The following UBIAD1 variants were observed in gnomAD, a reference collection of about 807,000 sequenced individuals.
UBIAD1 encodes the protein ubiA prenyltransferase domain-containing protein 1.
Under a neutral mutation model 20.1 loss-of-function variants are expected in UBIAD1, and 12 were observed. The observed-to-expected ratio is 0.60, with a 90% CI of 0.38 to 0.97. UBIAD1 has a LOEUF of 0.97. Among genes scored for constraint, UBIAD1 ranks in the 50% least tolerant of loss-of-function variants. UBIAD1 has a pLI of 0.00. For synonymous variants in UBIAD1, 207 were observed against 189.2 expected, an observed-to-expected ratio of 1.09 and a Z score of -0.77; for missense variants, 333 against 419.5, an observed-to-expected ratio of 0.79 and a Z score of 1.80.
chr1:11,284,680 T>A (rs1638218168), intron 1 of UBIAD1, among the ~76,000 whole-genome samples: 1 of 152,172 alleles, frequency 6.6e-6, no homozygotes, highest in Non-Finnish European at 1.5e-5. Context: ...GCCAGGCTGA[T>A]CTGGAAGTCC....
At chr1:11,293,899 C>T (rs1237289772) in intron 1 of UBIAD1, among the ~76,000 whole-genome samples, 1 of 152,180 alleles carries the variant, frequency 6.6e-6, no homozygotes, top group Non-Finnish European at 1.5e-5. Context: ...TGGTTTCGAA[C>T]TGATCTCAGG....
chr1:11,286,450 T>C lies in UBIAD1; in HGVS notation c.*319T>C. 1 of 394,090 alleles carries C rather than the reference T, an allele frequency of 2.5e-6. No individual in the cohort carries two copies. Among genetic ancestry groups the C allele is most frequent in the Non-Finnish European group, 4.7e-6 (1 of 210,770 alleles). 24.4% of individuals were successfully genotyped at this position (394,090 alleles called of 1,614,324 possible). A position where few individuals can be genotyped will look rare whatever the true frequency, so the allele number is the denominator to read the frequency against. ...TGAAGTGGACTTAGTTCCTCCTTGT[T>C]CTGTACAAAATGTCTCCAGACTTTG... On this transcript the variant is annotated 3_prime_UTR_variant, in exon 2 of 2. Coordinates refer to ENST00000376810, the MANE Select transcript of UBIAD1 (RefSeq NM_013319.3).
chr1:11,288,517 A>G (rs1638310624), downstream of UBIAD1: 1 of 152,194 alleles, frequency 6.6e-6, no homozygotes, highest in South Asian at 2.1e-4. Context: ...CAGGGAGACC[A>G]AGGCAGTGAC....
chr1:11,273,414 C>T lies in UBIAD1; in HGVS notation c.-118C>T. 7.5e-7 allele frequency: 1 copy of T among 1,337,150 alleles called. No homozygotes were observed. Among genetic ancestry groups the T allele is most frequent in the Admixed American group, 1.9e-5 (1 of 53,708 alleles). 82.8% of individuals were successfully genotyped at this position (1,337,150 alleles called of 1,614,324 possible). A position where few individuals can be genotyped will look rare whatever the true frequency, so the allele number is the denominator to read the frequency against. ...GACCTTGCCGCCACACCAGCCCTGT[C>T]CTGGGGCGGAACCGAAGGAAGGTCG... On this transcript the variant is annotated 5_prime_UTR_variant, in exon 1 of 2. Coordinates refer to ENST00000376810, the MANE Select transcript of UBIAD1 (RefSeq NM_013319.3). The surrounding 1 kb of genome is among the most constrained non-coding windows in gnomAD (Gnocchi z 4.9).
downstream of UBIAD1, among the ~76,000 whole-genome samples, chr1:11,289,792 G>T (rs1005551475): frequency 6.6e-6 from 1 of 151,888 alleles, no homozygotes; most frequent in Non-Finnish European, 1.5e-5. Context: ...GTGCAGTGGC[G>T]CAATCTCGGC....
At position 11,273,970 on chromosome 1, in the gene UBIAD1, G is replaced by A. The variant is rs751567830; in HGVS notation, c.439G>A (p.Ala147Thr). The A allele has an allele frequency of 6.2e-7, 1 of 1,614,174 alleles. No homozygotes were observed. The highest frequency in any genetic ancestry group is 1.3e-5 in the African/African-American group (1 of 75,034). ...FLYTLGCVCA[A>T]CLYYLSPLKL... ...CTACACGTTGGGCTGCGTCTGTGCC[G>A]CTTGCCTCTACTACCTGTCCCCTCT... Residue 147 changes from alanine to threonine, a missense_variant, in exon 1 of 2, where the codon GCT (alanine) becomes ACT (threonine). By Grantham distance (58) the Ala-to-Thr change is moderately conservative (BLOSUM62 0). Around this residue, in one of 3 missense-constraint regions of UBIAD1, gnomAD observed 226 missense variants for 263.5 expected, o/e 0.86. Transcript: ENST00000376810. The surrounding 1 kb of genome is among the most constrained non-coding windows in gnomAD (Gnocchi z 4.9).
At chr1:11,294,152 T>A (rs1488266027) in intron 1 of UBIAD1, among the ~76,000 whole-genome samples, 1 of 152,204 alleles carries the variant, frequency 6.6e-6, no homozygotes, top group East Asian at 1.9e-4. Flanking sequence ...CTTTTAGTGC[T>A]CATAACAACC....
intron 1 of UBIAD1, among the ~76,000 whole-genome samples, chr1:11,276,873 A>AG (rs1652052093): frequency 6.6e-6 from 1 of 152,102 alleles, no homozygotes; most frequent in East Asian, 1.9e-4. Flanking sequence ...TTATTATAAG[A>AG]TAGGTATCAA....
intron 1 of UBIAD1, among the ~76,000 whole-genome samples, chr1:11,281,615 T>C: frequency 6.6e-6 from 1 of 152,164 alleles, no homozygotes; most frequent in Admixed American, 6.6e-5. Flanking sequence ...TGTTGCAGCT[T>C]GATGAATTTT....
At chr1:11,298,639 G>A (rs1638484713), downstream of UBIAD1, among the ~76,000 whole-genome samples, 1 of 152,120 alleles carries the variant, frequency 6.6e-6, no homozygotes, top group South Asian at 2.1e-4. This position sits in a 1 kb window ranked among gnomAD's most constrained non-coding sequence, Gnocchi z 4.0. Flanking sequence ...GCACATATGT[G>A]TGTACACTTA....
chr1:11,277,762 C>T (rs115079012), intron 1 of UBIAD1, among the ~76,000 whole-genome samples: 4,375 of 152,174 alleles, frequency 0.029, 104 homozygotes, highest in Middle Eastern at 0.051. Context: ...GTTCTGCCTC[C>T]GCCTCCCAAG....
In UBIAD1 at chr1:11,286,065, C is replaced by T. The variant is rs751890127; in HGVS notation, c.951C>T (p.Leu317=). 5 of 1,614,186 alleles carry T rather than the reference C, an allele frequency of 3.1e-6. No individual in the cohort carries two copies. Among genetic ancestry groups the T allele is most frequent in the Middle Eastern group, 1.6e-4 (1 of 6,062 alleles). Residue 317 remains leucine (L), a synonymous_variant, in exon 2 of 2, where the codon CTC becomes CTT. Transcript: ENST00000376810. ...CCCAGAGGACTGCCAAGCTCAACCTCCTGCTGGGACTTTTCTATGTCTTTG... is the reference window on the plus strand; with the variant it reads ...CCCAGAGGACTGCCAAGCTCAACCTTCTGCTGGGACTTTTCTATGTCTTTG... ...KLPQRTAKLN[L]LLGLFYVFGI...
chr1:11,297,843 G>T (rs180941851), downstream of UBIAD1, among the ~76,000 whole-genome samples: 5 of 152,340 alleles, frequency 3.3e-5, no homozygotes, highest in East Asian at 9.6e-4. Flanking sequence ...ACAAGGGAAA[G>T]ATAACATCCC....
At chr1:11,296,142 G>A (rs1050752453), downstream of UBIAD1, 1 of 152,194 alleles carries the variant, frequency 6.6e-6, no homozygotes, top group Non-Finnish European at 1.5e-5. Context: ...TTATGTTACA[G>A]GCACTTGCTA....
chr1:11,293,442 A>G (rs996547505), intron 1 of UBIAD1: 2 of 152,270 alleles, frequency 1.3e-5, no homozygotes, highest in Admixed American at 6.5e-5. Context: ...GGACTAGAGT[A>G]TAAGGACCAT....
At chr1:11,297,960 T>G (rs1454936605), downstream of UBIAD1, among the ~76,000 whole-genome samples, 2 of 141,010 alleles carry the variant, frequency 1.4e-5, no homozygotes, top group East Asian at 4.0e-4. Context: ...TTGTTTTTTG[T>G]TTTTTTGTTT....
chr1:11,281,350 T>C (rs1215856923), intron 1 of UBIAD1, among the ~76,000 whole-genome samples: 7 of 152,152 alleles, frequency 4.6e-5, no homozygotes, highest in Non-Finnish European at 7.3e-5. Flanking sequence ...AAGTACTTAA[T>C]TGGTTAATTA....
In UBIAD1 at chr1:11,286,325, G is replaced by C; in HGVS notation, c.*194G>C. The C allele has an allele frequency of 1.4e-6, 1 of 725,604 alleles. No individual in the cohort carries two copies. Among genetic ancestry groups the C allele is most frequent in the Non-Finnish European group, 2.2e-6 (1 of 451,894 alleles). 44.9% of individuals were successfully genotyped at this position (725,604 alleles called of 1,614,324 possible). A position where few individuals can be genotyped will look rare whatever the true frequency, so the allele number is the denominator to read the frequency against. On this transcript the variant is annotated 3_prime_UTR_variant, in exon 2 of 2. Coordinates refer to ENST00000376810, the MANE Select transcript of UBIAD1 (RefSeq NM_013319.3). ...GTTTTTTGTTTTTTCCATTTTATGG[G>C]GAATTTAAAAACCATTCTTGTATCA...
chr1:11,292,758 G>T (rs1638388102), downstream of UBIAD1, among the ~76,000 whole-genome samples: 1 of 151,688 alleles, frequency 6.6e-6, no homozygotes, highest in East Asian at 1.9e-4. Flanking sequence ...TGAGAGGGAT[G>T]ACAGCTCCTC....
Sources: allele counts gnomAD v4.1 joint callset (sites outside exome capture counted in the v4.1 genomes callset), GRCh38; gene constraint gnomAD v4.1.1; regional missense constraint gnomAD v4.1.1; non-coding constraint Gnocchi (gnomAD v3.1); transcripts MANE v1.5; gene names NCBI Gene and HGNC (gene_info 2026-07-23, HGNC 2026-07-21).